FOXP1: variants seen among roughly 807,000 people sequenced by gnomAD.
FOXP1 encodes forkhead box protein P1.
FOXP1 carries 15 observed loss-of-function variants against 98.2 expected under a neutral mutation model. The ratio of observed to expected loss-of-function variants is 0.15; its 90% CI spans 0.10 to 0.24. The LOEUF (loss-of-function observed/expected upper bound fraction) is 0.24. Ranked by LOEUF, FOXP1 falls within the 10% of genes least tolerant of loss-of-function variation. The pLI, the probability that FOXP1 is intolerant of heterozygous loss-of-function variation, is 1.00. For missense variants in FOXP1, 633 were observed against 848.5 expected, an observed-to-expected ratio of 0.75 and a Z score of 3.15; for synonymous variants, 371 against 314.5, an observed-to-expected ratio of 1.18 and a Z score of -1.90.
In FOXP1 at chr3:71,303,857, T is replaced by C. The variant is rs78497172; in HGVS notation, c.-72-3977A>G. 2.0e-5 allele frequency among the ~76,000 whole-genome samples: 3 copies of C among 151,574 alleles called. No individual in the cohort carries two copies. In the South Asian group the frequency reaches 6.3e-4, roughly 32 times the overall value. On this transcript the variant is annotated intron_variant, in intron 4 of 20. Coordinates refer to ENST00000649528, the MANE Select transcript of FOXP1 (RefSeq NM_001349338.3). ...AGAGGGGAAAAAGAAAGGAAAAGAA[T>C]AAAGCAAGGAAACAAGAAAGAAAAG... is the stretch of plus-strand genomic sequence containing the variant.
Position 71,392,280 on chromosome 3 carries a change from G to A in FOXP1, c.-167-33036C>T, listed in dbSNP as rs2081091954. On this transcript the variant is annotated intron_variant, in intron 3 of 20. Transcript: ENST00000649528. ...ATTAAACCTAAGGGTGAAACAATTA[G>A]AGCAAATCTGATGTAATATGTTACA... 2.6e-5 allele frequency among the ~76,000 whole-genome samples: 4 copies of A among 152,256 alleles called. No individual in the cohort carries two copies. The South Asian group carries it at 8.3e-4, about 32-fold the overall frequency.
At chr3:71,513,672 G>C (rs2042361089) in intron 2 of FOXP1, among the ~76,000 whole-genome samples, 1 of 152,164 alleles carries the variant, frequency 6.6e-6, no homozygotes, top group Non-Finnish European at 1.5e-5. Flanking sequence ...TCATGATGTG[G>C]AATGGGTCAT....
intron 4 of FOXP1, chr3:71,302,880 T>G (rs1255670109): frequency 6.6e-6 from 1 of 152,146 alleles, no homozygotes; most frequent in South Asian, 2.1e-4. Flanking sequence ...TAAATGTACA[T>G]TCCTCTTTCT....
At chr3:71,181,438 T>C (rs2062284425) in intron 6 of FOXP1, among the ~76,000 whole-genome samples, 1 of 152,360 alleles carries the variant, frequency 6.6e-6, no homozygotes, top group South Asian at 2.1e-4. Context: ...TGCCCTGTTT[T>C]ACAGATGAGA....
chr3:71,077,046 A>C (rs2053869170), intron 7 of FOXP1, among the ~76,000 whole-genome samples: 1 of 152,254 alleles, frequency 6.6e-6, no homozygotes, highest in Non-Finnish European at 1.5e-5. Context: ...TCAGTCACCA[A>C]GTTTTTAAAT....
intron 14 of FOXP1, among the ~76,000 whole-genome samples, chr3:70,981,739 T>C (rs940220457): frequency 2.0e-5 from 3 of 152,130 alleles, no homozygotes; most frequent in Non-Finnish European, 2.9e-5. Context: ...TGCAGTCAAG[T>C]GGAAAATTTC....
chr3:71,367,249 G>A (rs1232266565), intron 3 of FOXP1, among the ~76,000 whole-genome samples: 6 of 152,058 alleles, frequency 3.9e-5, no homozygotes. Context: ...TCCTGCAGAG[G>A]CTCCTTCCCC....
At chr3:71,110,748 C>T (rs1559949486) in intron 7 of FOXP1, among the ~76,000 whole-genome samples, 1 of 152,200 alleles carries the variant, frequency 6.6e-6, no homozygotes, top group Non-Finnish European at 1.5e-5. Flanking sequence ...TTATTTGAAT[C>T]CTGACAAATA....
rs148405423 is a variant in FOXP1, at chr3:71,298,824, A to G, written c.-12+996T>C. Among the ~76,000 whole-genome samples, 745 of 152,316 alleles carry G rather than the reference A, an allele frequency of 4.9e-3. 5 individuals carry two copies. Among genetic ancestry groups the G allele is most frequent in the African/African-American group, 0.017 (688 of 41,558 alleles). ...TGATCAAAGATTCTTCACATTATGA[A>G]AAGTTCCACAAAAAACTCTGTTCAA... On this transcript the variant is annotated intron_variant, in intron 5 of 20. Transcript: ENST00000649528.
In FOXP1 at chr3:71,550,389, T is replaced by A. The variant is rs145626676; in HGVS notation, c.-298+31160A>T. The stretch of plus-strand genomic sequence containing the variant: ...CGCTCCGTGCCTCAGTTTCCACATC[T>A]GCAAAATGAGGATAACAGGAGTTCT... On this transcript the variant is annotated intron_variant, in intron 2 of 20. Coordinates refer to ENST00000649528, the MANE Select transcript of FOXP1 (RefSeq NM_001349338.3). Among the ~76,000 whole-genome samples, 440 of 152,342 alleles carry A rather than the reference T, an allele frequency of 2.9e-3. 7 individuals carry two copies. Among genetic ancestry groups the A allele is most frequent in the Admixed American group, 0.022 (331 of 15,300 alleles).
At chr3:71,453,036 C>A (rs1312404771) in intron 3 of FOXP1, among the ~76,000 whole-genome samples, 1 of 152,154 alleles carries the variant, frequency 6.6e-6, no homozygotes, top group Non-Finnish European at 1.5e-5. Context: ...ACTCTTCTCA[C>A]CCCATCTGCT....
At chr3:71,503,376 C>A (rs1013075278) in intron 2 of FOXP1, among the ~76,000 whole-genome samples, 2 of 152,096 alleles carry the variant, frequency 1.3e-5, no homozygotes, top group African/African-American at 4.8e-5. Context: ...ATCTTCTAAG[C>A]TTATGCTCAA....
Position 71,581,608 on chromosome 3 carries a change from C to T in FOXP1, c.-357G>A. On this transcript the variant is annotated 5_prime_UTR_variant, in exon 2 of 21. Coordinates refer to ENST00000649528, the MANE Select transcript of FOXP1 (RefSeq NM_001349338.3). Reference sequence around the variant, plus strand: ...TTCACGCCCGCGGAGGAGGCGCCGGCAGCACCATGGTCCCCGGCGCCGCTG... The same window carrying T: ...TTCACGCCCGCGGAGGAGGCGCCGGTAGCACCATGGTCCCCGGCGCCGCTG... 8 of 985,702 alleles carry T rather than the reference C, an allele frequency of 8.1e-6. No individual in the cohort carries two copies. The highest frequency in any genetic ancestry group is 9.6e-6 in the Non-Finnish European group (8 of 830,026). The allele number at this position is 985,702 out of a possible 1,614,324, so 61.1% of individuals were successfully genotyped here.
At chr3:71,575,263 A>G (rs1048976877) in intron 2 of FOXP1, among the ~76,000 whole-genome samples, 1 of 152,226 alleles carries the variant, frequency 6.6e-6, no homozygotes, top group Non-Finnish European at 1.5e-5. Context: ...AAATCAAAGA[A>G]ATCATCAGTA....
intron 2 of FOXP1, among the ~76,000 whole-genome samples, chr3:71,543,097 T>C (rs1313278276): frequency 6.6e-6 from 1 of 152,174 alleles, no homozygotes; most frequent in African/African-American, 2.4e-5. Flanking sequence ...ACCCACAGCT[T>C]GTAGTGTCTG....
intron 5 of FOXP1, among the ~76,000 whole-genome samples, chr3:71,273,702 G>C (rs1360522598): frequency 6.6e-6 from 1 of 151,868 alleles, no homozygotes. Context: ...CAGACAATGA[G>C]CAAAAAAAGA....
intron 5 of FOXP1, among the ~76,000 whole-genome samples, chr3:71,223,328 A>AC (rs11456135): frequency 0.98 from 149,190 of 152,286 alleles, 73,090 homozygotes; most frequent in East Asian, 1. Flanking sequence ...TCTTGGAGGC[A>AC]CTTTTTTCCT....
intron 6 of FOXP1, among the ~76,000 whole-genome samples, chr3:71,145,811 A>T (rs116788895): frequency 1.3e-5 from 2 of 152,142 alleles, no homozygotes; most frequent in African/African-American, 4.8e-5. Flanking sequence ...TTTTTGGTCA[A>T]GTCTCTTGCC....
intron 10 of FOXP1, among the ~76,000 whole-genome samples, chr3:71,045,700 C>T (rs912332731): frequency 1.3e-5 from 2 of 151,994 alleles, no homozygotes; most frequent in South Asian, 2.1e-4. Flanking sequence ...GCCCTGGTCT[C>T]GATACTAAAA....
Sources: allele counts gnomAD v4.1 joint callset (sites outside exome capture counted in the v4.1 genomes callset), GRCh38; gene constraint gnomAD v4.1.1; transcripts MANE v1.5; gene names NCBI Gene and HGNC (gene_info 2026-07-23, HGNC 2026-07-21).